The following MNAT1 variants were observed in gnomAD, a reference collection of about 807,000 sequenced individuals.
MNAT1 encodes the protein MNAT1 component of CDK activating kinase, also known as CDK-activating kinase assembly factor MAT1.
A neutral mutation model predicts 42.0 loss-of-function variants in MNAT1; 43 were observed. The ratio of observed to expected loss-of-function variants is 1.02; its 90% CI spans 0.80 to 1.32. The LOEUF (loss-of-function observed/expected upper bound fraction) is 1.32. MNAT1 is among the 40% of genes most tolerant of loss of function. MNAT1 has a pLI of 0.00. For missense variants in MNAT1, 306 were observed against 350.4 expected (o/e 0.87, Z 1.01); for synonymous variants, 118 against 120.0 (o/e 0.98, Z 0.11).
intron 6 of MNAT1, among the ~76,000 whole-genome samples, chr14:60,838,274 T>TA (rs1269117611): frequency 3.3e-5 from 5 of 152,030 alleles, no homozygotes; most frequent in African/African-American, 1.2e-4. Context: ...TTGCTGGGAC[T>TA]ACAGGAGGGC....
intron 7 of MNAT1, among the ~76,000 whole-genome samples, chr14:60,962,780 G>T (rs566309496): frequency 6.6e-6 from 1 of 152,190 alleles, no homozygotes; most frequent in South Asian, 2.1e-4. Flanking sequence ...ATGAGTTTTG[G>T]TGTTTGATTG....
chr14:60,900,939 GATC>G (rs2035059500), intron 7 of MNAT1, among the ~76,000 whole-genome samples: 1 of 131,876 alleles, frequency 7.6e-6, no homozygotes, highest in South Asian at 2.6e-4. Context: ...AGTGAGCCAT[GATC>G]ATGTCACTGT....
intron 6 of MNAT1, among the ~76,000 whole-genome samples, chr14:60,853,529 C>A (rs1481518856): frequency 6.6e-6 from 1 of 152,128 alleles, no homozygotes; most frequent in Admixed American, 6.6e-5. Flanking sequence ...TATTCAAATA[C>A]TCTTTATTTC....
chr14:60,940,554 A>G (rs2036127134), intron 7 of MNAT1, among the ~76,000 whole-genome samples: 1 of 152,124 alleles, frequency 6.6e-6, no homozygotes, highest in South Asian at 2.1e-4. Flanking sequence ...AGTAGCTGGG[A>G]CTACAGGTGC....
intron 1 of MNAT1, among the ~76,000 whole-genome samples, chr14:60,747,052 C>T (rs1896658127): frequency 6.9e-6 from 1 of 144,958 alleles, no homozygotes; most frequent in South Asian, 2.2e-4. Context: ...GTGGTGCGAT[C>T]TCGGCTCACT....
chr14:60,844,787 T>G (rs575145718), intron 6 of MNAT1, among the ~76,000 whole-genome samples: 1 of 152,178 alleles, frequency 6.6e-6, no homozygotes, highest in East Asian at 1.9e-4. Flanking sequence ...TTCATCAGAT[T>G]GAGGAAAGTT....
At chr14:60,879,971 A>G (rs79513529) in intron 7 of MNAT1, 136 bp downstream of exon 7, 19 of 898,122 alleles carry the variant, frequency 2.1e-5, no homozygotes, top group Middle Eastern at 2.9e-4. Flanking sequence ...AGTACTCAAT[A>G]CCAAATTGTT....
chr14:60,893,953 C>T (rs4899024), intron 7 of MNAT1, among the ~76,000 whole-genome samples: 143,329 of 152,210 alleles, frequency 0.94, 67,807 homozygotes, highest in Non-Finnish European at 0.99. Context: ...AGTGTTCCTA[C>T]TTCTTTCCCA....
At chr14:60,768,648 C>T (rs904068956) in intron 1 of MNAT1, among the ~76,000 whole-genome samples, 2 of 152,134 alleles carry the variant, frequency 1.3e-5, no homozygotes, top group Non-Finnish European at 2.9e-5. Flanking sequence ...GCTCTTTATT[C>T]GTTATCTCAT....
At chr14:60,914,632 C>T (rs1209665639) in intron 7 of MNAT1, among the ~76,000 whole-genome samples, 1 of 151,818 alleles carries the variant, frequency 6.6e-6, no homozygotes, top group African/African-American at 2.4e-5. Context: ...TGGGGATGGA[C>T]TTCTGTGTTG....
At chr14:60,933,625 CCTTT>C (rs750117311) in intron 7 of MNAT1, among the ~76,000 whole-genome samples, 1 of 152,082 alleles carries the variant, frequency 6.6e-6, no homozygotes, top group African/African-American at 2.4e-5. Context: ...AGATGTCCTT[CCTTT>C]GTTATTTAAG....
intron 5 of MNAT1, among the ~76,000 whole-genome samples, chr14:60,814,857 T>C (rs2032662352): frequency 6.6e-6 from 1 of 152,184 alleles, no homozygotes; most frequent in Non-Finnish European, 1.5e-5. Context: ...AACTATTAAG[T>C]GGCAGGTATG....
chr14:60,739,211 G>A (rs1472043324), intron 1 of MNAT1, among the ~76,000 whole-genome samples: 1 of 152,120 alleles, frequency 6.6e-6, no homozygotes, highest in African/African-American at 2.4e-5. Flanking sequence ...AGGGAGGGAG[G>A]AAGGGAACTG....
At chr14:60,752,471 A>T (rs2030137584) in intron 1 of MNAT1, among the ~76,000 whole-genome samples, 1 of 152,204 alleles carries the variant, frequency 6.6e-6, no homozygotes, top group East Asian at 1.9e-4. Context: ...AAAAGAAAAA[A>T]ATTATACATA....
chr14:60,819,291 A>T (rs2032810180), intron 6 of MNAT1, among the ~76,000 whole-genome samples: 5 of 152,092 alleles, frequency 3.3e-5, no homozygotes, highest in Admixed American at 3.3e-4. Context: ...GGGTTTCAAA[A>T]AATTTATTTT....
intron 7 of MNAT1, among the ~76,000 whole-genome samples, chr14:60,958,634 C>T (rs373740918): frequency 4.6e-4 from 43 of 93,848 alleles, no homozygotes; most frequent in Admixed American, 9.2e-4. Flanking sequence ...GAGACAAGGT[C>T]TTTTTTTTTT....
intron 1 of MNAT1, among the ~76,000 whole-genome samples, chr14:60,765,978 A>G (rs1263053008): frequency 6.6e-6 from 1 of 152,218 alleles, no homozygotes; most frequent in African/African-American, 2.4e-5. Context: ...TTTAAAATGA[A>G]AATTTTAACT....
At chr14:60,921,789 T>G (rs2035666962) in intron 7 of MNAT1, among the ~76,000 whole-genome samples, 1 of 152,162 alleles carries the variant, frequency 6.6e-6, no homozygotes, top group Admixed American at 6.5e-5. Context: ...TGTAAAAACA[T>G]AAATCCTAAA....
At chr14:60,904,329 A>AT (rs1013331032) in intron 7 of MNAT1, among the ~76,000 whole-genome samples, 2 of 151,450 alleles carry the variant, frequency 1.3e-5, no homozygotes, top group Non-Finnish European at 2.9e-5. Flanking sequence ...TACTAAATTA[A>AT]TTTTTTTTTC....
Sources: allele counts gnomAD v4.1 joint callset (sites outside exome capture counted in the v4.1 genomes callset), GRCh38; gene constraint gnomAD v4.1.1; transcripts MANE v1.5; gene names NCBI Gene and HGNC (gene_info 2026-07-23, HGNC 2026-07-21).